Variants in ZC3H3 observed in about 807,000 individuals in gnomAD.
ZC3H3 encodes zinc finger CCCH-type containing 3, also known as zinc finger CCCH domain-containing protein 3.
A neutral mutation model predicts 77.3 loss-of-function variants in ZC3H3; 36 were observed. The ratio of observed to expected loss-of-function variants is 0.47; its 90% CI spans 0.36 to 0.61. The LOEUF is 0.61. Among genes scored for constraint, ZC3H3 ranks in the 20% least tolerant of loss-of-function variants. The pLI, the probability that ZC3H3 is intolerant of heterozygous loss-of-function variation, is 0.00. For synonymous variants in ZC3H3, 626 were observed against 555.2 expected (o/e 1.13, Z -1.79); for missense variants, 1,331 against 1,312.2 (o/e 1.01, Z -0.22).
intron 9 of ZC3H3, among the ~76,000 whole-genome samples, chr8:143,448,995 G>A (rs1051310780): frequency 7.9e-5 from 12 of 152,358 alleles, no homozygotes; most frequent in Middle Eastern, 6.8e-3. Context: ...AGTGACCAGA[G>A]CTGTGCCTTG....
intron 4 of ZC3H3, among the ~76,000 whole-genome samples, chr8:143,497,454 T>C (rs540141646): frequency 1.3e-4 from 20 of 152,196 alleles, no homozygotes; most frequent in African/African-American, 4.6e-4. Context: ...GGGGGCAGCC[T>C]GGGGTCCACA....
Position 143,536,401 on chromosome 8 carries a change from G to A in ZC3H3, c.1417C>T (p.His473Tyr). Residue 473 changes from histidine (H) to tyrosine (Y), a missense_variant, in exon 3 of 12, where the codon CAC becomes TAC. Coordinates refer to ENST00000262577, the MANE Select transcript of ZC3H3 (RefSeq NM_015117.3). Reference sequence around the variant, plus strand: ...GCCTGTCTCCGCCGGAGGCTGAGGTGGCTCTTGGCGGTGGCGGCAGGTGAG... The same window carrying A: ...GCCTGTCTCCGCCGGAGGCTGAGGTAGCTCTTGGCGGTGGCGGCAGGTGAG... ...GTSPAATAKSHLSLRRRQALR... is the reference protein window; with the variant it reads ...GTSPAATAKSYLSLRRRQALR... 6.4e-7 allele frequency: 1 copy of A among 1,568,348 alleles called. No homozygotes were observed. The highest frequency in any genetic ancestry group is 8.7e-7 in the Non-Finnish European group (1 of 1,155,172).
chr8:143,510,451 A>T (rs908771999), intron 3 of ZC3H3, among the ~76,000 whole-genome samples: 9 of 152,264 alleles, frequency 5.9e-5, no homozygotes, highest in Non-Finnish European at 1.2e-4. Context: ...CAGGATGAGC[A>T]GGGCACAGCC....
chr8:143,478,647 T>C (rs926231435), intron 4 of ZC3H3, among the ~76,000 whole-genome samples: 9 of 152,196 alleles, frequency 5.9e-5, no homozygotes, highest in Non-Finnish European at 1.3e-4. Flanking sequence ...GTAGCTGGGA[T>C]TACAGGCATG....
chr8:143,496,119 T>G, intron 4 of ZC3H3, among the ~76,000 whole-genome samples: 1 of 151,416 alleles, frequency 6.6e-6, no homozygotes. Context: ...TGGAGAAGAG[T>G]CAGGAACACG....
intron 4 of ZC3H3, chr8:143,484,900 GT>G (rs1821009958): frequency 8.8e-6 from 4 of 455,206 alleles, no homozygotes; most frequent in Admixed American, 2.4e-5. Flanking sequence ...CTGGAAAGGC[GT>G]GGTGACCTCA....
chr8:143,482,561 A>T (rs888080316), intron 4 of ZC3H3, among the ~76,000 whole-genome samples: 1 of 152,180 alleles, frequency 6.6e-6, no homozygotes, highest in Non-Finnish European at 1.5e-5. Context: ...GGTGGCTGCC[A>T]GGGCTTGGTC....
At chr8:143,451,777 C>T (rs1488834885) in intron 9 of ZC3H3, among the ~76,000 whole-genome samples, 2 of 141,804 alleles carry the variant, frequency 1.4e-5, no homozygotes, top group African/African-American at 2.6e-5. Flanking sequence ...AAGTGAGACT[C>T]TGCCTAAAAA....
At chr8:143,486,171 A>T (rs1821046352) in intron 4 of ZC3H3, among the ~76,000 whole-genome samples, 1 of 152,274 alleles carries the variant, frequency 6.6e-6, no homozygotes, top group Non-Finnish European at 1.5e-5. Flanking sequence ...ATGGACACAC[A>T]TGGCGTATCC....
chr8:143,475,138 A>T (rs1820696021), intron 5 of ZC3H3, among the ~76,000 whole-genome samples: 1 of 152,182 alleles, frequency 6.6e-6, no homozygotes, highest in Non-Finnish European at 1.5e-5. Flanking sequence ...TGTTGGTCTC[A>T]CTAGGGATGG....
At chr8:143,512,382 T>A (rs1821897429) in intron 3 of ZC3H3, among the ~76,000 whole-genome samples, 1 of 152,252 alleles carries the variant, frequency 6.6e-6, no homozygotes, top group African/African-American at 2.4e-5. Context: ...AACGGCAGCT[T>A]GCACGCCTGC....
At chr8:143,503,072 AC>A (rs1821574113) in intron 4 of ZC3H3, among the ~76,000 whole-genome samples, 1 of 152,120 alleles carries the variant, frequency 6.6e-6, no homozygotes, top group African/African-American at 2.4e-5. Context: ...CAGCAGAACA[AC>A]CCAGTCCCAT....
intron 5 of ZC3H3, among the ~76,000 whole-genome samples, chr8:143,471,508 T>C (rs1024748489): frequency 5.9e-5 from 9 of 152,162 alleles, no homozygotes; most frequent in Non-Finnish European, 1.2e-4. Context: ...GCCAGCCCTG[T>C]GGCCAGAGAC....
chr8:143,537,743 C>T (rs1822848571), intron 2 of ZC3H3, among the ~76,000 whole-genome samples: 1 of 152,224 alleles, frequency 6.6e-6, no homozygotes, highest in South Asian at 2.1e-4. Context: ...CAGCGAGCTG[C>T]TTGTCTCTCA....
At chr8:143,449,891 T>A (rs559879467) in intron 9 of ZC3H3, among the ~76,000 whole-genome samples, 1 of 152,290 alleles carries the variant, frequency 6.6e-6, no homozygotes, top group Admixed American at 6.5e-5. Context: ...TTGCTCCAGT[T>A]CCCAATAAGT....
chr8:143,445,695 T>G (rs1285690011), intron 9 of ZC3H3, among the ~76,000 whole-genome samples: 1 of 144,028 alleles, frequency 6.9e-6, no homozygotes, highest in Non-Finnish European at 1.5e-5. Flanking sequence ...CCTGTCTCTG[T>G]CTCTTAAAAA....
At chr8:143,503,849 C>G (rs1288743965) in intron 4 of ZC3H3, among the ~76,000 whole-genome samples, 1 of 152,194 alleles carries the variant, frequency 6.6e-6, no homozygotes, top group Non-Finnish European at 1.5e-5. Flanking sequence ...CCAGAGAAAG[C>G]CGCTGACAGG....
intron 9 of ZC3H3, among the ~76,000 whole-genome samples, chr8:143,445,922 G>A (rs1275594259): frequency 6.6e-6 from 1 of 152,046 alleles, no homozygotes; most frequent in African/African-American, 2.4e-5. Flanking sequence ...GCTGAAATTC[G>A]TTCTAAAAAA....
At chr8:143,528,809 C>T (rs1443163047) in intron 3 of ZC3H3, among the ~76,000 whole-genome samples, 1 of 152,362 alleles carries the variant, frequency 6.6e-6, no homozygotes, top group African/African-American at 2.4e-5. Flanking sequence ...CGAGGCCCTC[C>T]CTTCTGCCCA....
Sources: allele counts gnomAD v4.1 joint callset (sites outside exome capture counted in the v4.1 genomes callset), GRCh38; gene constraint gnomAD v4.1.1; transcripts MANE v1.5; gene names NCBI Gene and HGNC (gene_info 2026-07-23, HGNC 2026-07-21).